MIR17HG: variants seen among roughly 807,000 people sequenced by gnomAD.
MIR17HG encodes MIR17 host gene (non-protein coding).
chr13:91,348,458 G>A (rs1174869533), intron 1 of MIR17HG, among the ~76,000 whole-genome samples: 1 of 151,182 alleles, frequency 6.6e-6, no homozygotes, highest in African/African-American at 2.4e-5. Flanking sequence ...CCGGGAGGGG[G>A]CGCGCCCACG....
At chr13:91,351,557 T>G (rs374366098) in intron 3 of MIR17HG, 1 of 338,204 alleles carries the variant, frequency 3.0e-6, no homozygotes, top group African/African-American at 2.1e-5. Flanking sequence ...TGGGGTTGCG[T>G]GTCAGATTTG....
chr13:91,350,318 C>T (rs1875235375), intron 3 of MIR17HG: 1 of 241,686 alleles, frequency 4.1e-6, no homozygotes, highest in South Asian at 5.1e-5. Flanking sequence ...CTCTATGTGT[C>T]AATCCATTTG....
At chr13:91,349,028 G>C (rs915894722) in intron 1 of MIR17HG, among the ~76,000 whole-genome samples, 9 of 147,974 alleles carry the variant, frequency 6.1e-5, no homozygotes, top group East Asian at 1.9e-4. Flanking sequence ...GAAACGGGTT[G>C]GGGGGGTTGC....
At chr13:91,350,830 T>C in intron 3 of MIR17HG, 2 of 534,776 alleles carry the variant, frequency 3.7e-6, no homozygotes, top group Non-Finnish European at 7.7e-6. Context: ...CATAAGAAGT[T>C]ATGTATTCAT....
intron 3 of MIR17HG, among the ~76,000 whole-genome samples, chr13:91,353,539 A>C (rs1875430827): frequency 6.6e-6 from 1 of 152,242 alleles, no homozygotes; most frequent in Non-Finnish European, 1.5e-5. Context: ...TAGGCATGCT[A>C]ACATGCCAAC....
At chr13:91,351,877 C>T (rs1875334276) in intron 3 of MIR17HG, 1 of 157,048 alleles carries the variant, frequency 6.4e-6, no homozygotes, top group Middle Eastern at 3.1e-3. Context: ...AAGCAAGTAC[C>T]AGTTTACCAA....
At chr13:91,348,047 A>C (rs965248791) in intron 1 of MIR17HG, 2 of 148,012 alleles carry the variant, frequency 1.4e-5, no homozygotes, top group African/African-American at 5.0e-5. Flanking sequence ...CCCGGGGCGG[A>C]CTGGCCCGGG....
intron 3 of MIR17HG, among the ~76,000 whole-genome samples, chr13:91,353,099 G>A: frequency 1.3e-5 from 1 of 74,442 alleles, no homozygotes; most frequent in East Asian, 4.6e-4. Flanking sequence ...GCAAGACCAA[G>A]ACTTAAACGC....
intron 3 of MIR17HG, chr13:91,351,517 T>A: frequency 2.7e-6 from 1 of 371,394 alleles, no homozygotes. Context: ...ATACATCTTG[T>A]CTTGTTTTCA....
At chr13:91,349,145 A>G (rs962792984) in intron 1 of MIR17HG, among the ~76,000 whole-genome samples, 14 of 152,020 alleles carry the variant, frequency 9.2e-5, no homozygotes, top group Middle Eastern at 6.8e-3. Context: ...CCCGGGCTCC[A>G]TGAGCGTGGC....
intron 3 of MIR17HG, among the ~76,000 whole-genome samples, chr13:91,353,636 G>T (rs560029213): frequency 6.6e-6 from 1 of 152,246 alleles, no homozygotes; most frequent in South Asian, 2.1e-4. Context: ...GTTGATAATG[G>T]CCTCATCTCT....
At chr13:91,349,156 G>C (rs1875145940) in intron 1 of MIR17HG, among the ~76,000 whole-genome samples, 1 of 152,064 alleles carries the variant, frequency 6.6e-6, no homozygotes, top group African/African-American at 2.4e-5. Context: ...TGAGCGTGGC[G>C]GGCACTTTGC....
chr13:91,352,869 G>C (rs1349344449), intron 3 of MIR17HG, among the ~76,000 whole-genome samples: 1 of 152,110 alleles, frequency 6.6e-6, no homozygotes, highest in Non-Finnish European at 1.5e-5. Flanking sequence ...AGCACTTGGG[G>C]AGGCTGAGGC....
At chr13:91,348,363 G>A (rs1175644936) in intron 1 of MIR17HG, among the ~76,000 whole-genome samples, 1 of 150,868 alleles carries the variant, frequency 6.6e-6, no homozygotes, top group Admixed American at 6.6e-5. Context: ...GGGTCTCTGG[G>A]TAGGAAAGTT....
rs1370844432 is a variant in MIR17HG, at chr13:91,349,508, T to TA, written n.141-189dup. On this transcript the variant is annotated intron_variant and non_coding_transcript_variant, in intron 1 of 3. Transcript: ENST00000400282. ...TAAGGATTTTTCAACTTTATTCTCT[T>TA]ACGTATTTTTCAACTGTAAATTATT... Among the ~76,000 whole-genome samples, 9 of 152,316 alleles carry TA rather than the reference T, an allele frequency of 5.9e-5. No homozygotes were observed. The East Asian group carries it at 1.7e-3, about 29-fold the overall frequency.
intron 3 of MIR17HG, chr13:91,350,371 T>C: frequency 3.1e-6 from 1 of 319,668 alleles, no homozygotes; most frequent in South Asian, 2.7e-5. Flanking sequence ...CCAGTGCTAG[T>C]TGGATGGTTG....
At chr13:91,351,566 T>C (rs1875317940) in intron 3 of MIR17HG, 1 of 332,958 alleles carries the variant, frequency 3.0e-6, no homozygotes, top group South Asian at 2.5e-5. Flanking sequence ...GTGTCAGATT[T>C]GGCAGTATAA....
intron 3 of MIR17HG, chr13:91,350,645 A>G: frequency 1.9e-6 from 1 of 534,706 alleles, no homozygotes; most frequent in Non-Finnish European, 3.8e-6. Flanking sequence ...AGGTAGTGAT[A>G]TGTGCATCTA....
chr13:91,354,308 A>AT (rs1459259349), exon 4 of MIR17HG: 1 of 152,160 alleles, frequency 6.6e-6, no homozygotes, highest in African/African-American at 2.4e-5. Flanking sequence ...ATAACATTTC[A>AT]TATGTGGTAT....
Sources: allele counts gnomAD v4.1 joint callset (sites outside exome capture counted in the v4.1 genomes callset), GRCh38; gene constraint gnomAD v4.1.1; transcripts MANE v1.5; gene names NCBI Gene and HGNC (gene_info 2026-07-23, HGNC 2026-07-21).